Variants in PPP2R2C observed in about 807,000 individuals in gnomAD.
PPP2R2C encodes protein phosphatase 2, regulatory subunit B, gamma.
A neutral mutation model predicts 45.3 loss-of-function variants in PPP2R2C; 10 were observed. The observed-to-expected ratio is 0.22, with a 90% CI of 0.14 to 0.37. PPP2R2C has a LOEUF of 0.37. Among genes scored for constraint, PPP2R2C ranks in the 10% least tolerant of loss-of-function variants. PPP2R2C has a pLI of 1.00. For missense variants in PPP2R2C, 308 were observed against 619.7 expected, an observed-to-expected ratio of 0.50 and a Z score of 5.34; for synonymous variants, 257 against 245.4, an observed-to-expected ratio of 1.05 and a Z score of -0.44.
At chr4:6,377,953 G>A (rs1364905982) in intron 3 of PPP2R2C, among the ~76,000 whole-genome samples, 1 of 152,218 alleles carries the variant, frequency 6.6e-6, no homozygotes, top group Non-Finnish European at 1.5e-5. Flanking sequence ...CAAGGCCGCG[G>A]TGACAGCCCC....
At chr4:6,405,125 G>A (rs1183807725) in intron 1 of PPP2R2C, among the ~76,000 whole-genome samples, 1 of 152,236 alleles carries the variant, frequency 6.6e-6, no homozygotes, top group Non-Finnish European at 1.5e-5. Context: ...GTGTGTGGGA[G>A]TTTATATCCA....
rs117951844 is a variant in PPP2R2C, at chr4:6,420,345, A to G, written c.71-39251T>C. ...GTGAGAATAAGATCATTCACCGTAC[A>G]TGAATCAAAAGCATCCCCCCACCTG... is the stretch of plus-strand genomic sequence containing the variant. On this transcript the variant is annotated intron_variant, in intron 1 of 8. Transcript: ENST00000382599. Among the ~76,000 whole-genome samples, 118 of 150,412 alleles carry G rather than the reference A, an allele frequency of 7.8e-4. 4 individuals carry two copies. The East Asian group carries it at 0.02, about 25-fold the overall frequency.
chr4:6,528,461 G>C (rs1160913673), intron 2 of PPP2R2C, among the ~76,000 whole-genome samples: 1 of 152,200 alleles, frequency 6.6e-6, no homozygotes, highest in East Asian at 1.9e-4. Flanking sequence ...TGAATCATCA[G>C]AGAGCGTTCC....
intron 2 of PPP2R2C, among the ~76,000 whole-genome samples, chr4:6,531,394 A>G (rs1313331718): frequency 6.6e-6 from 1 of 152,174 alleles, no homozygotes; most frequent in Admixed American, 6.5e-5. Context: ...GAGGTGCAGG[A>G]AGACCACCAA....
chr4:6,477,681 G>A (rs1200195987), intron 2 of PPP2R2C, among the ~76,000 whole-genome samples: 12 of 146,634 alleles, frequency 8.2e-5, no homozygotes, highest in East Asian at 4.0e-4. Flanking sequence ...AGCCAAGATC[G>A]CGGCACTGTA....
chr4:6,412,402 T>C (rs1718250682), intron 1 of PPP2R2C, among the ~76,000 whole-genome samples: 1 of 152,146 alleles, frequency 6.6e-6, no homozygotes, highest in Non-Finnish European at 1.5e-5. Context: ...AATGAGACCC[T>C]GGAAGGGAAA....
intron 5 of PPP2R2C, among the ~76,000 whole-genome samples, chr4:6,367,160 G>A (rs182260695): frequency 3.4e-4 from 51 of 152,020 alleles, no homozygotes; most frequent in Non-Finnish European, 5.1e-4. Context: ...CAGCAGAGAT[G>A]TCCTCTGAGT....
At chr4:6,376,028 G>T in intron 3 of PPP2R2C, 97 bp from the exon 4 acceptor site, 1 of 963,270 alleles carries the variant, frequency 1.0e-6, no homozygotes, top group Non-Finnish European at 1.6e-6. Flanking sequence ...GGCACCTCCT[G>T]GGGAAGGAGG....
chr4:6,359,524 T>G (rs1225085390), intron 5 of PPP2R2C, among the ~76,000 whole-genome samples: 1 of 152,046 alleles, frequency 6.6e-6, no homozygotes, highest in African/African-American at 2.4e-5. Flanking sequence ...CTAGTGCCAA[T>G]GTTGAAATGA....
chr4:6,403,181 G>A (rs28554153), intron 1 of PPP2R2C, among the ~76,000 whole-genome samples: 9,113 of 152,248 alleles, frequency 0.06, 550 homozygotes, highest in African/African-American at 0.15. Context: ...GCCGCTGGCC[G>A]GGCTGTCGCT....
chr4:6,387,182 C>G (rs1577135822), intron 1 of PPP2R2C, among the ~76,000 whole-genome samples: 1 of 151,814 alleles, frequency 6.6e-6, no homozygotes, highest in African/African-American at 2.4e-5. Flanking sequence ...AAAAAGAACA[C>G]ATAAAAAAAT....
intron 1 of PPP2R2C, among the ~76,000 whole-genome samples, chr4:6,410,841 T>TTTTA (rs148453274): frequency 0.014 from 2,023 of 140,424 alleles, 29 homozygotes; most frequent in African/African-American, 0.025. Flanking sequence ...ATTCCCCCTG[T>TTTTA]TTTATTTATT....
At chr4:6,551,385 G>C (rs1725180245) in intron 1 of PPP2R2C, among the ~76,000 whole-genome samples, 1 of 152,354 alleles carries the variant, frequency 6.6e-6, no homozygotes, top group South Asian at 2.1e-4. Context: ...GCCAATAGGA[G>C]TCCAGTGGGA....
intron 6 of PPP2R2C, among the ~76,000 whole-genome samples, chr4:6,334,202 T>C (rs13120438): frequency 0.079 from 11,986 of 152,236 alleles, 676 homozygotes; most frequent in Non-Finnish European, 0.12. Flanking sequence ...GTTATCTCTG[T>C]TCATGGTGTC....
intron 2 of PPP2R2C, among the ~76,000 whole-genome samples, chr4:6,498,457 T>C (rs1722941313): frequency 6.6e-6 from 1 of 152,226 alleles, no homozygotes; most frequent in Non-Finnish European, 1.5e-5. Flanking sequence ...CAAATGATGA[T>C]ACAGTCTGTT....
chr4:6,467,419 C>G (rs544356145), intron 1 of PPP2R2C, among the ~76,000 whole-genome samples: 9 of 152,184 alleles, frequency 5.9e-5, no homozygotes, highest in African/African-American at 1.4e-4. Flanking sequence ...GTGACCTGCC[C>G]AATATTACAG....
At chr4:6,375,315 C>T (rs7675854) in intron 4 of PPP2R2C, among the ~76,000 whole-genome samples, 2,548 of 152,278 alleles carry the variant, frequency 0.017, 74 homozygotes, top group African/African-American at 0.058. Flanking sequence ...ATGCTGGGCA[C>T]GTGTGTGTCT....
chr4:6,375,980 A>G, intron 3 of PPP2R2C, 49 bp from the exon 4 acceptor site: 2 of 1,492,986 alleles, frequency 1.3e-6, no homozygotes, highest in Middle Eastern at 1.8e-4. Flanking sequence ...AAGCAGCCGG[A>G]TGGAAGAGAA....
At chr4:6,323,812 G>A (rs909837481) in intron 8 of PPP2R2C, among the ~76,000 whole-genome samples, 1 of 150,918 alleles carries the variant, frequency 6.6e-6, no homozygotes, top group Non-Finnish European at 1.5e-5. Flanking sequence ...AGCTATTCAG[G>A]AGGTTGAGGC....
Sources: gnomAD v4.1 joint callset for allele counts (sites outside exome capture counted in the v4.1 genomes callset) on GRCh38, gnomAD v4.1.1 for gene constraint, MANE v1.5 for transcripts, NCBI Gene and HGNC (gene_info 2026-07-23, HGNC 2026-07-21) for gene names.